Variants in UGT1A5 observed in about 807,000 individuals in gnomAD.
UGT1A5 encodes the protein UDP glucuronosyltransferase family 1 member A5, also known as UDP-glucuronosyltransferase 1A5.
In UGT1A5, 29 loss-of-function variants were observed where a neutral mutation model predicts 40.3. The ratio of observed to expected loss-of-function variants is 0.72; its 90% CI spans 0.54 to 0.98. The LOEUF (loss-of-function observed/expected upper bound fraction) is 0.98, where lower values mean the gene tolerates loss of function less well. Among genes scored for constraint, UGT1A5 ranks in the 50% least tolerant of loss-of-function variants. The pLI, the probability that UGT1A5 is intolerant of heterozygous loss-of-function variation, is 0.00. For missense variants in UGT1A5, 678 were observed against 677.9 expected (o/e 1.00, Z 0.00); for synonymous variants, 257 against 262.5 (o/e 0.98, Z 0.20).
intron 1 of UGT1A5, among the ~76,000 whole-genome samples, chr2:233,728,655 C>T (rs928027852): frequency 5.3e-5 from 8 of 152,140 alleles, no homozygotes; most frequent in East Asian, 1.9e-4. Flanking sequence ...TTTTTGGATG[C>T]GCTGCGTTAC....
chr2:233,717,173 C>T (rs1198418738), intron 1 of UGT1A5, among the ~76,000 whole-genome samples: 1 of 152,178 alleles, frequency 6.6e-6, no homozygotes, highest in African/African-American at 2.4e-5. Context: ...TTGAATGTGG[C>T]AAGAGCACCC....
intron 1 of UGT1A5, chr2:233,755,353 G>T: frequency 2.6e-6 from 1 of 385,860 alleles, no homozygotes; most frequent in Non-Finnish European, 4.8e-6. Context: ...GAGGCTTGGC[G>T]ACCTGGGCCG....
At chr2:233,738,796 A>G (rs1559382708) in intron 1 of UGT1A5, among the ~76,000 whole-genome samples, 1 of 152,236 alleles carries the variant, frequency 6.6e-6, no homozygotes, top group Admixed American at 6.5e-5. Flanking sequence ...CAGATGCAGA[A>G]ATACTAGCTA....
intron 1 of UGT1A5, among the ~76,000 whole-genome samples, chr2:233,724,488 CG>C (rs1207122697): frequency 1.4e-5 from 1 of 72,502 alleles, no homozygotes; most frequent in Non-Finnish European, 2.9e-5. Context: ...TCAGACGGGG[CG>C]GCCGGGCAGA....
chr2:233,719,170 T>G, intron 1 of UGT1A5: 1 of 1,614,246 alleles, frequency 6.2e-7, no homozygotes, highest in Non-Finnish European at 8.5e-7. Flanking sequence ...ATGGCAATTA[T>G]GAACAATGTA....
chr2:233,765,740 C>T (rs951696953), intron 1 of UGT1A5, among the ~76,000 whole-genome samples: 1 of 147,868 alleles, frequency 6.8e-6, no homozygotes, highest in African/African-American at 2.5e-5. Context: ...TAAATAAACC[C>T]ATAAAGCCAT....
intron 1 of UGT1A5, among the ~76,000 whole-genome samples, chr2:233,762,296 G>A (rs1425632739): frequency 6.6e-6 from 1 of 152,206 alleles, no homozygotes; most frequent in Non-Finnish European, 1.5e-5. Context: ...GGTGCCAACC[G>A]AGGTCTAGTT....
Position 233,772,859 on chromosome 2 carries a change from T to C in UGT1A5, c.*300T>C. 1.4e-6 allele frequency: 1 copy of C among 698,172 alleles called. No homozygotes were observed. Among genetic ancestry groups the C allele is most frequent in the Non-Finnish European group, 2.1e-6 (1 of 477,226 alleles). The allele number at this position is 698,172 out of a possible 1,614,324, so 43.2% of individuals were successfully genotyped here. On this transcript the variant is annotated 3_prime_UTR_variant, in exon 5 of 5. Transcript: ENST00000373414. ...AGATTACTTTTCTTACTCTGAAACA[T>C]GGCCTGTTTGGGAGTGCGGGATTCA...
chr2:233,751,619 A>G (rs765633655), intron 1 of UGT1A5, among the ~76,000 whole-genome samples: 10 of 152,142 alleles, frequency 6.6e-5, no homozygotes, highest in Non-Finnish European at 1.3e-4. Flanking sequence ...AGGTGATTGG[A>G]TCATGTGTGC....
intron 1 of UGT1A5, among the ~76,000 whole-genome samples, chr2:233,735,045 C>G (rs2078601106): frequency 6.6e-6 from 1 of 152,170 alleles, no homozygotes; most frequent in Non-Finnish European, 1.5e-5. Flanking sequence ...TGGTGCAGAG[C>G]TGAGTTCAGG....
intron 1 of UGT1A5, among the ~76,000 whole-genome samples, chr2:233,744,939 T>C (rs1164592780): frequency 6.6e-6 from 1 of 151,916 alleles, no homozygotes; most frequent in Non-Finnish European, 1.5e-5. Context: ...AATGACACAG[T>C]ATTTGTATAT....
rs112628426 is a variant in UGT1A5 at position 233,767,948 on chromosome 2, G to A, written c.1087+12G>A. ...AAACGATCTGCTTGGTATGTTGGGC[G>A]GATTGGATGTATAGGTCAAACCAGG... On this transcript the variant is annotated intron_variant, in intron 3 of 4. Transcript: ENST00000373414. 87 of 1,614,164 alleles carry A rather than the reference G, an allele frequency of 5.4e-5. No individual in the cohort carries two copies. The highest frequency in any genetic ancestry group is 6.2e-5 in the Non-Finnish European group (73 of 1,180,040).
rs186747767 is a variant in UGT1A5 at position 233,742,893 on chromosome 2, C to T, written c.868-24141C>T. ...AACCACCTGGCTCACACTTTCCCAA[C>T]GGAAAAAGGTAATGCTCAAAGTGCT... On this transcript the variant is annotated intron_variant, in intron 1 of 4. Transcript: ENST00000373414. The T allele has an allele frequency of 2.6e-3, 421 of 164,252 alleles. 10 individuals carry two copies. The highest frequency in any genetic ancestry group is 8.8e-3 in the African/African-American group (363 of 41,448). 10.2% of individuals were successfully genotyped at this position (164,252 alleles called of 1,614,324 possible). A position where few individuals can be genotyped will look rare whatever the true frequency, so the allele number is the denominator to read the frequency against.
chr2:233,772,326 C>A lies in UGT1A5; in HGVS notation c.1372C>A (p.Leu458Met), dbSNP rs767264478. ...HKDRPVEPLDLAVFWVEFVMR... is the reference protein window; with the variant it reads ...HKDRPVEPLDMAVFWVEFVMR... The stretch of plus-strand genomic sequence containing the variant: ...GGACCGCCCGGTGGAGCCGCTGGAC[C>A]TGGCCGTGTTCTGGGTGGAGTTTGT... The change falls in exon 5 of 5, where the codon CTG becomes ATG. Residue 458 changes from leucine (L) to methionine (M), a missense_variant. Coordinates refer to ENST00000373414, the MANE Select transcript of UGT1A5 (RefSeq NM_019078.2). 1 of 1,614,166 alleles carries A rather than the reference C, an allele frequency of 6.2e-7. No homozygotes were observed. The highest frequency in any genetic ancestry group is 8.5e-7 in the Non-Finnish European group (1 of 1,180,028).
At chr2:233,757,778 T>A (rs1328848691) in intron 1 of UGT1A5, among the ~76,000 whole-genome samples, 1 of 151,774 alleles carries the variant, frequency 6.6e-6, no homozygotes, top group African/African-American at 2.4e-5. Flanking sequence ...AATAAGCCTG[T>A]CATTCTGATT....
Position 233,729,231 on chromosome 2 carries a change from C to G in UGT1A5, c.867+15373C>G, listed in dbSNP as rs777258735. ...AGAGTGGAAAGGTGTTGGTGGTGCC[C>G]ATTGATGGCAGCCACTGGCTCAGCA... On this transcript the variant is annotated intron_variant, in intron 1 of 4. Transcript: ENST00000373414. The G allele has an allele frequency of 2.5e-6, 4 of 1,614,060 alleles. No homozygotes were observed. The African/African-American group carries it at 4.0e-5, about 16-fold the overall frequency.
intron 1 of UGT1A5, chr2:233,752,621 T>G (rs1428833052): frequency 6.6e-6 from 1 of 152,162 alleles, no homozygotes; most frequent in African/African-American, 2.4e-5. Flanking sequence ...TAGCTAGGTG[T>G]GGTAGCTGTT....
At chr2:233,745,969 A>C (rs939174435) in intron 1 of UGT1A5, among the ~76,000 whole-genome samples, 8 of 151,718 alleles carry the variant, frequency 5.3e-5, no homozygotes, top group Non-Finnish European at 1.0e-4. Context: ...AGGGGCCCTG[A>C]AATGGGACCA....
At position 233,725,179 on chromosome 2, in the gene UGT1A5, G is replaced by GAGAGGCAGAGGC. The variant is rs879478240; in HGVS notation, c.867+11351_867+11362dup. Among the ~76,000 whole-genome samples the GAGAGGCAGAGGC allele has an allele frequency of 1.3e-4, 9 of 67,606 alleles. 4 individuals carry two copies. Among genetic ancestry groups the GAGAGGCAGAGGC allele is most frequent in the South Asian group, 1.1e-3 (2 of 1,884 alleles). The allele number at this position is 67,606 out of a possible 152,430, so 44.4% of individuals were successfully genotyped here. A position where few individuals can be genotyped will look rare whatever the true frequency, so the allele number is the denominator to read the frequency against. ...CTCTGCATGAGAGGGAGACCGTGGGGAGAGGCAGAGGCAGAGGCAGAGGCA... is the reference window on the plus strand; with the variant it reads ...CTCTGCATGAGAGGGAGACCGTGGGGAGAGGCAGAGGCAGAGGCAGAGGCAGAGGCAGAGGCA... On this transcript the variant is annotated intron_variant, in intron 1 of 4. Transcript: ENST00000373414.
Sources: gnomAD v4.1 joint callset for allele counts (sites outside exome capture counted in the v4.1 genomes callset) on GRCh38, gnomAD v4.1.1 for gene constraint, MANE v1.5 for transcripts, NCBI Gene and HGNC (gene_info 2026-07-23, HGNC 2026-07-21) for gene names.